The following BMAL2 variants were observed in gnomAD, a reference collection of about 807,000 sequenced individuals.
BMAL2 encodes the protein basic helix-loop-helix ARNT like 2, also known as basic helix-loop-helix ARNT-like protein 2.
the BMAL2 span, among the ~76,000 whole-genome samples, chr12:27,388,579 C>T: frequency 1.3e-5 from 2 of 151,856 alleles, no homozygotes; most frequent in African/African-American, 2.4e-5. Flanking sequence ...GAAGGGAGTC[C>T]CGGAAGTCTA....
the BMAL2 span, chr12:27,417,993 AAAAAAAT>A: frequency 7.6e-6 from 6 of 787,336 alleles, no homozygotes; most frequent in East Asian, 3.1e-5. Context: ...CCTCCATCTC[AAAAAAAT>A]AAAAAATAAA....
the BMAL2 span, chr12:27,401,801 A>G: frequency 1.5e-6 from 1 of 651,104 alleles, no homozygotes; most frequent in East Asian, 3.0e-5. Flanking sequence ...CTTGAGATTT[A>G]TCTTTTGAGT....
the BMAL2 span, among the ~76,000 whole-genome samples, chr12:27,351,222 A>G: frequency 1.3e-5 from 2 of 152,118 alleles, no homozygotes; most frequent in Non-Finnish European, 2.9e-5. Flanking sequence ...TCTTGGACTC[A>G]AGCAATCCTC....
At chr12:27,406,701 C>T in the BMAL2 span, among the ~76,000 whole-genome samples, 7 of 152,170 alleles carry the variant, frequency 4.6e-5, no homozygotes, top group Non-Finnish European at 8.8e-5. Context: ...GCAAAATAAC[C>T]AGCTAATATC....
the BMAL2 span, among the ~76,000 whole-genome samples, chr12:27,385,198 C>T: frequency 6.6e-6 from 1 of 152,096 alleles, no homozygotes; most frequent in Admixed American, 6.5e-5. Context: ...CCTATAATCC[C>T]AGCTATTCAG....
the BMAL2 span, among the ~76,000 whole-genome samples, chr12:27,372,489 G>A: frequency 4.6e-5 from 7 of 152,078 alleles, no homozygotes; most frequent in African/African-American, 1.7e-4. Flanking sequence ...ACCCGTTTTA[G>A]TCCTTGCTTT....
At chr12:27,415,850 T>C in the BMAL2 span, 2 of 1,542,484 alleles carry the variant, frequency 1.3e-6, no homozygotes, top group African/African-American at 2.7e-5. Context: ...AAAAATGTTT[T>C]ATGTATCACT....
At chr12:27,334,553 C>T in the BMAL2 span, among the ~76,000 whole-genome samples, 2 of 152,078 alleles carry the variant, frequency 1.3e-5, no homozygotes, top group African/African-American at 2.4e-5. Flanking sequence ...TAAAATTGGC[C>T]AAACTGAAAG....
the BMAL2 span, chr12:27,401,597 A>G: frequency 6.2e-7 from 1 of 1,611,456 alleles, no homozygotes; most frequent in Non-Finnish European, 8.5e-7. Flanking sequence ...TTGTAACTTT[A>G]AAAAGCCAAT....
the BMAL2 span, among the ~76,000 whole-genome samples, chr12:27,408,039 C>T: frequency 2.0e-5 from 3 of 152,120 alleles, no homozygotes; most frequent in Non-Finnish European, 4.4e-5. Flanking sequence ...CAAGACTAAA[C>T]CAGGAAGAAG....
At chr12:27,421,117 A>C in the BMAL2 span, 16 of 152,346 alleles carry the variant, frequency 1.1e-4, no homozygotes, top group Admixed American at 9.8e-4. Context: ...TGCTCAGTTG[A>C]GCACTTTAAG....
At chr12:27,364,573 A>T in the BMAL2 span, among the ~76,000 whole-genome samples, 1 of 151,972 alleles carries the variant, frequency 6.6e-6, no homozygotes, top group Non-Finnish European at 1.5e-5. Flanking sequence ...CTGTGTCTTT[A>T]CAAGTCTTGA....
chr12:27,380,153 C>A, the BMAL2 span: 1 of 1,284,156 alleles, frequency 7.8e-7, no homozygotes, highest in Non-Finnish European at 1.1e-6. Context: ...CAGTGTGTGC[C>A]TGCTGGGCTC....
chr12:27,384,170 T>G, the BMAL2 span, among the ~76,000 whole-genome samples: 1 of 152,164 alleles, frequency 6.6e-6, no homozygotes. Context: ...GGCTTTGTCG[T>G]CTGTGTCATA....
At chr12:27,407,064 C>T in the BMAL2 span, among the ~76,000 whole-genome samples, 6 of 152,134 alleles carry the variant, frequency 3.9e-5, no homozygotes, top group Non-Finnish European at 8.8e-5. Flanking sequence ...ATATATGCAC[C>T]CAATACTGGA....
the BMAL2 span, among the ~76,000 whole-genome samples, chr12:27,405,098 G>A: frequency 2.6e-5 from 4 of 151,710 alleles, no homozygotes; most frequent in Non-Finnish European, 4.4e-5. Flanking sequence ...CAAAGCAGCC[G>A]GGAAGCTCGA....
chr12:27,400,687 C>T, the BMAL2 span: 1 of 1,613,894 alleles, frequency 6.2e-7, no homozygotes. Flanking sequence ...TATATTGTTC[C>T]ACAGAACAGT....
chr12:27,354,670 G>A, the BMAL2 span, among the ~76,000 whole-genome samples: 1 of 152,154 alleles, frequency 6.6e-6, no homozygotes, highest in Middle Eastern at 3.2e-3. Flanking sequence ...TGTGTATAAA[G>A]TGTATATGAA....
the BMAL2 span, among the ~76,000 whole-genome samples, chr12:27,391,992 G>A: frequency 6.6e-6 from 1 of 152,114 alleles, no homozygotes; most frequent in Admixed American, 6.5e-5. Context: ...TTAGCTCTAC[G>A]ACTTGCTAGC....
Sources: allele counts gnomAD v4.1 joint callset (sites outside exome capture counted in the v4.1 genomes callset), GRCh38; gene constraint gnomAD v4.1.1; transcripts MANE v1.5; gene names NCBI Gene and HGNC (gene_info 2026-07-23, HGNC 2026-07-21).